Variants in GPBP1L1 observed in about 807,000 individuals in gnomAD.
The protein encoded by GPBP1L1 is GC-rich promoter binding protein 1 like 1, also known as vasculin-like protein 1.
GPBP1L1 carries 23 observed loss-of-function variants against 52.5 expected under a neutral mutation model. That is an observed-to-expected ratio of 0.44 (90% CI 0.32 to 0.62). The LOEUF (loss-of-function observed/expected upper bound fraction) is 0.62, where lower values mean the gene tolerates loss of function less well. Ranked by LOEUF, GPBP1L1 falls within the 20% of genes least tolerant of loss-of-function variation. The pLI is 0.06. For synonymous variants in GPBP1L1, 243 were observed against 203.1 expected (o/e 1.20, Z -1.67); for missense variants, 596 against 579.3 (o/e 1.03, Z -0.30).
chr1:45,666,317 TG>T (rs1645010645), intron 2 of GPBP1L1, among the ~76,000 whole-genome samples: 1 of 152,126 alleles, frequency 6.6e-6, no homozygotes, highest in South Asian at 2.1e-4. Context: ...GGCTAATTTT[TG>T]TATTTTTAGT....
intron 6 of GPBP1L1, among the ~76,000 whole-genome samples, chr1:45,653,132 T>A (rs1281088014): frequency 1.3e-5 from 2 of 152,228 alleles, no homozygotes; most frequent in Admixed American, 1.3e-4. Context: ...CCCAGGTCAC[T>A]TCCTAGACTT....
intron 2 of GPBP1L1, among the ~76,000 whole-genome samples, chr1:45,665,051 G>A (rs1406088654): frequency 2.6e-5 from 4 of 152,100 alleles, no homozygotes; most frequent in African/African-American, 7.2e-5. Context: ...CACTTTGGGA[G>A]GCCAAGGGGG....
At chr1:45,640,863 C>G (rs1644662686) in intron 7 of GPBP1L1, among the ~76,000 whole-genome samples, 3 of 151,994 alleles carry the variant, frequency 2.0e-5, no homozygotes, top group African/African-American at 4.8e-5. Context: ...ACAAAAAATA[C>G]AAACATTAGC....
intron 2 of GPBP1L1, among the ~76,000 whole-genome samples, chr1:45,663,956 C>CTT (rs11407149): frequency 5.4e-5 from 8 of 148,980 alleles, no homozygotes; most frequent in South Asian, 2.1e-4. Context: ...TCTCTTAGAA[C>CTT]TTTTTTTTTT....
At chr1:45,630,661 T>A (rs1031620857) in intron 10 of GPBP1L1, 55 bp from the exon 11 acceptor site, 3 of 1,584,456 alleles carry the variant, frequency 1.9e-6, no homozygotes, top group African/African-American at 2.7e-5. Context: ...TGTAGTAATA[T>A]AAGCAACCTA....
intron 2 of GPBP1L1, among the ~76,000 whole-genome samples, chr1:45,665,015 G>A (rs1416219113): frequency 5.9e-5 from 9 of 152,086 alleles, no homozygotes; most frequent in East Asian, 3.9e-4. Context: ...ATGGCCGGGC[G>A]TGGTGGCTCA....
rs1644937350 is a variant in GPBP1L1, at chr1:45,660,640, G to C, written c.-512C>G. 2.6e-6 allele frequency: 2 copies of C among 761,064 alleles called. No individual in the cohort carries two copies. The highest frequency in any genetic ancestry group is 3.2e-6 in the Non-Finnish European group (2 of 625,268). The allele number at this position is 761,064 out of a possible 1,614,324, so 47.1% of individuals were successfully genotyped here. A position where few individuals can be genotyped will look rare whatever the true frequency, so the allele number is the denominator to read the frequency against. On this transcript the variant is annotated 5_prime_UTR_variant, in exon 3 of 13. Transcript: ENST00000355105. ...AGTGTGGACAAATAATGTCATCAAG[G>C]TAATAGATCAAAAATATTAAAGCCC...
At chr1:45,670,603 G>A (rs555439925) in intron 2 of GPBP1L1, among the ~76,000 whole-genome samples, 1 of 151,716 alleles carries the variant, frequency 6.6e-6, no homozygotes, top group Admixed American at 6.6e-5. Context: ...ATTTGTATAC[G>A]GTATGAGACC....
chr1:45,651,524 T>C (rs1183978855), intron 6 of GPBP1L1: 2 of 524,056 alleles, frequency 3.8e-6, no homozygotes, highest in Non-Finnish European at 6.9e-6. Context: ...CTCTGATCTG[T>C]ACTTGTGGGC....
intron 6 of GPBP1L1, among the ~76,000 whole-genome samples, chr1:45,649,034 T>C (rs1016830136): frequency 7.9e-5 from 12 of 152,156 alleles, no homozygotes; most frequent in Non-Finnish European, 2.9e-5. Context: ...CTGTCTCAAA[T>C]AATTTTGTGC....
At chr1:45,633,085 T>C (rs1404601607) in intron 10 of GPBP1L1, among the ~76,000 whole-genome samples, 1 of 152,240 alleles carries the variant, frequency 6.6e-6, no homozygotes, top group Non-Finnish European at 1.5e-5. Flanking sequence ...CACAACCACT[T>C]TGGAAGACAG....
Position 45,665,539 on chromosome 1 carries a change from G to C in GPBP1L1, c.-1097-4314C>G, listed in dbSNP as rs964589585. Among the ~76,000 whole-genome samples the C allele has an allele frequency of 2.0e-5, 3 of 151,762 alleles. No individual in the cohort carries two copies. In the East Asian group the frequency reaches 5.8e-4, roughly 30 times the overall value. ...TCTGAGGCAGGCGGATCACAAGTTC[G>C]AGACCAGCCCGACCAACATGGTGAA... is the stretch of plus-strand genomic sequence containing the variant. On this transcript the variant is annotated intron_variant, in intron 2 of 12. Transcript: ENST00000355105.
intron 6 of GPBP1L1, among the ~76,000 whole-genome samples, chr1:45,647,305 G>A (rs902388011): frequency 9.3e-5 from 14 of 151,326 alleles, no homozygotes; most frequent in Admixed American, 2.0e-4. Flanking sequence ...TCTCCCTACC[G>A]CTTTTATCTG....
At chr1:45,685,788 T>C (rs1393019296) in intron 1 of GPBP1L1, among the ~76,000 whole-genome samples, 168 bp from the exon 2 acceptor site, 3 of 152,156 alleles carry the variant, frequency 2.0e-5, no homozygotes, top group East Asian at 1.9e-4. Context: ...TGGGGAGAAC[T>C]AGATTTAAAA....
intron 4 of GPBP1L1, among the ~76,000 whole-genome samples, chr1:45,657,003 G>T (rs1644893322): frequency 6.6e-6 from 1 of 152,002 alleles, no homozygotes. Context: ...GCCTATTTTT[G>T]AACTCTCTAT....
At position 45,628,228 on chromosome 1, in the gene GPBP1L1, T is replaced by C. The variant is rs1356838134; in HGVS notation, c.*28A>G. ...CCCTAAACACACAGAGTTTACTGGG[T>C]CAGATTTAACTGTGAGCATTTATAT... On this transcript the variant is annotated 3_prime_UTR_variant, in exon 13 of 13. Coordinates refer to ENST00000355105, the MANE Select transcript of GPBP1L1 (RefSeq NM_021639.5). 6.2e-7 allele frequency: 1 copy of C among 1,608,178 alleles called. No homozygotes were observed. The highest frequency in any genetic ancestry group is 2.2e-5 in the East Asian group (1 of 44,842).
chr1:45,640,066 G>T (rs1236949041), intron 8 of GPBP1L1, 144 bp downstream of exon 8: 5 of 468,642 alleles, frequency 1.1e-5, no homozygotes, highest in Non-Finnish European at 1.8e-5. Context: ...AAAAAAAAAA[G>T]CAAAGAAAGC....
chr1:45,637,543 G>GTTTTTTTTTTTTTTTTTTT (rs1553179402), intron 8 of GPBP1L1, among the ~76,000 whole-genome samples: 84 of 98,564 alleles, frequency 8.5e-4, no homozygotes, highest in South Asian at 1.5e-3. Flanking sequence ...CTTTATATTA[G>GTTTTTTTTTTTTTTTTTTT]TTTTCCAATC....
At chr1:45,628,525 G>T in intron 12 of GPBP1L1, 117 bp from the exon 13 acceptor site, 1 of 906,784 alleles carries the variant, frequency 1.1e-6, no homozygotes, top group Non-Finnish European at 1.6e-6. Context: ...TGGGGCGGGG[G>T]GTGCTTCTAA....
Sources: gnomAD v4.1 joint callset for allele counts (sites outside exome capture counted in the v4.1 genomes callset) on GRCh38, gnomAD v4.1.1 for gene constraint, MANE v1.5 for transcripts, NCBI Gene and HGNC (gene_info 2026-07-23, HGNC 2026-07-21) for gene names.